The following SORCS2 variants were observed in gnomAD, a reference collection of about 807,000 sequenced individuals.
SORCS2 encodes the protein VPS10 domain-containing receptor SorCS2.
Under a neutral mutation model 141.6 loss-of-function variants are expected in SORCS2, and 100 were observed. That is an observed-to-expected ratio of 0.71 (90% confidence interval 0.60 to 0.83). The LOEUF (loss-of-function observed/expected upper bound fraction) is 0.83, where lower values mean the gene tolerates loss of function less well. Ranked by LOEUF, SORCS2 falls within the 40% of genes least tolerant of loss-of-function variation. The pLI, the probability that SORCS2 is intolerant of heterozygous loss-of-function variation, is 0.00. For synonymous variants in SORCS2, 789 were observed against 676.9 expected (o/e 1.17, Z -2.57); for missense variants, 1,646 against 1,560.2 (o/e 1.05, Z -0.93).
At chr4:7,443,847 C>T (rs967558112) in intron 2 of SORCS2, among the ~76,000 whole-genome samples, 14 of 152,250 alleles carry the variant, frequency 9.2e-5, no homozygotes, top group African/African-American at 3.1e-4. Context: ...TCAGAAGGCC[C>T]ATAGGTGGTT....
intron 2 of SORCS2, chr4:7,434,547 CACCA>C: frequency 6.2e-7 from 1 of 1,613,352 alleles, no homozygotes. Flanking sequence ...TGTGGGCATC[CACCA>C]TCCACTTGCA....
intron 3 of SORCS2, among the ~76,000 whole-genome samples, chr4:7,622,616 C>T (rs541532545): frequency 6.6e-6 from 1 of 152,080 alleles, no homozygotes; most frequent in African/African-American, 2.4e-5. Context: ...TGTGGGAGGG[C>T]GCCTGGCCGG....
chr4:7,278,408 G>GC (rs749289562), intron 1 of SORCS2, among the ~76,000 whole-genome samples: 12 of 152,170 alleles, frequency 7.9e-5, no homozygotes, highest in Non-Finnish European at 1.5e-4. Flanking sequence ...GTGAGAGGGG[G>GC]TGGGGGGCAG....
chr4:7,640,024 TGTAC>T lies in SORCS2; in HGVS notation c.813+1535_813+1538del, dbSNP rs1720563969. 2.0e-5 allele frequency among the ~76,000 whole-genome samples: 3 copies of T among 147,818 alleles called. No individual in the cohort carries two copies. In the South Asian group the frequency reaches 6.6e-4, roughly 33 times the overall value. ...GTGAAAGTGCATGTCTGTGGGAGTGTGTACGTGAGTGTGCATGTGTGAGAGTGTG... is the reference window on the plus strand; with the variant it reads ...GTGAAAGTGCATGTCTGTGGGAGTGTGTGAGTGTGCATGTGTGAGAGTGTG... On this transcript the variant is annotated intron_variant, in intron 4 of 26. Coordinates refer to ENST00000507866, the MANE Select transcript of SORCS2 (RefSeq NM_020777.3).
rs561773994 is a variant in SORCS2, at chr4:7,519,257, A to G, written c.549-12273A>G. 6.6e-5 allele frequency among the ~76,000 whole-genome samples: 10 copies of G among 152,234 alleles called. No homozygotes were observed. In the East Asian group the frequency reaches 1.9e-3, roughly 29 times the overall value. ...CCGTGGATGGTTATACACAAATTCT[A>G]AAGACTCCATCAGTTGGGACAAGAG... On this transcript the variant is annotated intron_variant, in intron 2 of 26. Coordinates refer to ENST00000507866, the MANE Select transcript of SORCS2 (RefSeq NM_020777.3).
intron 2 of SORCS2, among the ~76,000 whole-genome samples, chr4:7,487,363 T>C (rs1731052467): frequency 6.6e-6 from 1 of 152,166 alleles, no homozygotes; most frequent in South Asian, 2.1e-4. Flanking sequence ...GCAGAAGGGG[T>C]GGCTCCTGGA....
chr4:7,403,997 A>ATATATATTTT (rs1265288820), intron 2 of SORCS2, among the ~76,000 whole-genome samples: 2 of 19,000 alleles, frequency 1.1e-4, no homozygotes, highest in East Asian at 1.2e-3. Flanking sequence ...ATATATATAT[A>ATATATATTTT]TTTTTTTTTT....
intron 14 of SORCS2, among the ~76,000 whole-genome samples, chr4:7,706,072 C>CTGAGCTCTGTCTGGGCAGGGATGAGGT (rs1725421236): frequency 7.5e-6 from 1 of 133,888 alleles, no homozygotes; most frequent in African/African-American, 2.7e-5. Context: ...AGGGATGAGG[C>CTGAGCTCTGTCTGGGCAGGGATGAGGT]TGGGCTCTGC....
intron 3 of SORCS2, among the ~76,000 whole-genome samples, chr4:7,551,285 GTCT>G (rs34375190): frequency 0.73 from 109,611 of 151,052 alleles, 40,518 homozygotes; most frequent in East Asian, 0.91. Context: ...AGTTCCATGG[GTCT>G]TCTTCTTCCA....
At chr4:7,740,106 G>C (rs781284348) in intron 26 of SORCS2, 94 bp from the exon 27 acceptor site, 5 of 1,093,614 alleles carry the variant, frequency 4.6e-6, no homozygotes, top group Non-Finnish European at 6.7e-6. Flanking sequence ...ACGTTGGCTC[G>C]AGGCACTGCC....
chr4:7,551,870 A>C (rs981424363), intron 3 of SORCS2, among the ~76,000 whole-genome samples: 1 of 152,246 alleles, frequency 6.6e-6, no homozygotes, highest in Non-Finnish European at 1.5e-5. Flanking sequence ...AACAAATTGT[A>C]ATATACAAAT....
intron 23 of SORCS2, among the ~76,000 whole-genome samples, chr4:7,730,228 C>T (rs1711557480): frequency 6.6e-6 from 1 of 152,174 alleles, no homozygotes; most frequent in African/African-American, 2.4e-5. Flanking sequence ...AACCAGAATC[C>T]CTTCACACCC....
chr4:7,407,584 G>C (rs893011313), intron 2 of SORCS2, among the ~76,000 whole-genome samples: 1 of 151,946 alleles, frequency 6.6e-6, no homozygotes, highest in Non-Finnish European at 1.5e-5. Context: ...AGGTGAAGTG[G>C]GTTTCTCATA....
At position 7,396,131 on chromosome 4, in the gene SORCS2, T is replaced by A. The variant is rs186214229; in HGVS notation, c.481-157T>A. ...CACGTCTAAGGGCTCTCATGTAGGG[T>A]GGCCCAGAGCCTCTCAGGGATACTG... On this transcript the variant is annotated intron_variant, in intron 1 of 26. Transcript: ENST00000507866. 9.8e-6 allele frequency: 6 copies of A among 611,948 alleles called. No homozygotes were observed. The East Asian group carries it at 1.7e-4, about 17-fold the overall frequency. The allele number at this position is 611,948 out of a possible 1,614,324, so 37.9% of individuals were successfully genotyped here.
intron 3 of SORCS2, among the ~76,000 whole-genome samples, chr4:7,634,222 A>T (rs1402961798): frequency 1.4e-4 from 22 of 152,148 alleles, no homozygotes; most frequent in Admixed American, 1.4e-3. Flanking sequence ...AAAAATACAA[A>T]AATTAGCCAG....
At chr4:7,511,566 G>A (rs1259932975) in intron 2 of SORCS2, among the ~76,000 whole-genome samples, 1 of 152,138 alleles carries the variant, frequency 6.6e-6, no homozygotes, top group African/African-American at 2.4e-5. Flanking sequence ...GTTGAAGAGA[G>A]AGTGAGCCTG....
At chr4:7,589,548 G>A (rs1235573934) in intron 3 of SORCS2, among the ~76,000 whole-genome samples, 2 of 152,034 alleles carry the variant, frequency 1.3e-5, no homozygotes, top group South Asian at 2.1e-4. Context: ...GACTATAGGC[G>A]CCTGCCACCA....
intron 3 of SORCS2, among the ~76,000 whole-genome samples, chr4:7,579,813 G>C (rs1716026321): frequency 6.6e-6 from 1 of 152,180 alleles, no homozygotes; most frequent in Non-Finnish European, 1.5e-5. Context: ...AGCACGTCAA[G>C]ACACACAATG....
intron 1 of SORCS2, among the ~76,000 whole-genome samples, chr4:7,240,533 T>C (rs1712625651): frequency 1.3e-5 from 2 of 152,310 alleles, no homozygotes; most frequent in East Asian, 1.9e-4. Flanking sequence ...CCCGTCCTCG[T>C]GGTGGAGGTG....
Sources: allele counts gnomAD v4.1 joint callset (sites outside exome capture counted in the v4.1 genomes callset), GRCh38; gene constraint gnomAD v4.1.1; transcripts MANE v1.5; gene names NCBI Gene and HGNC (gene_info 2026-07-23, HGNC 2026-07-21).